Variants in MARCHF1 observed in about 807,000 individuals in gnomAD.
MARCHF1 encodes the protein membrane associated ring-CH-type finger 1.
MARCHF1 carries 40 observed loss-of-function variants against 54.2 expected under a neutral mutation model. The observed-to-expected ratio is 0.74, with a 90% CI of 0.57 to 0.96. The LOEUF (loss-of-function observed/expected upper bound fraction) is 0.96. MARCHF1 is among the 40% of genes least tolerant of loss of function. MARCHF1 has a pLI of 0.00. For missense variants in MARCHF1, 586 were observed against 656.5 expected (o/e 0.89, Z 1.17); for synonymous variants, 236 against 236.3 (o/e 1.00, Z 0.01).
At position 163,582,998 on chromosome 4, in the gene MARCHF1, A is replaced by C. The variant is rs192094856; in HGVS notation, c.1191+2751T>G. Among the ~76,000 whole-genome samples, 3 of 152,308 alleles carry C rather than the reference A, an allele frequency of 2.0e-5. No homozygotes were observed. The East Asian group carries it at 5.8e-4, about 29-fold the overall frequency. ...TACTTTCTCTAGGTTTTTAAAGCCTATGCATCATGGAGGGAGGAACTGAAT... is the reference window on the plus strand; with the variant it reads ...TACTTTCTCTAGGTTTTTAAAGCCTCTGCATCATGGAGGGAGGAACTGAAT... On this transcript the variant is annotated intron_variant, in intron 8 of 9. Coordinates refer to ENST00000514618, the MANE Select transcript of MARCHF1 (RefSeq NM_001394959.1).
chr4:163,827,382 T>C (rs760965930), intron 4 of MARCHF1, among the ~76,000 whole-genome samples: 3 of 152,170 alleles, frequency 2.0e-5, no homozygotes, highest in Non-Finnish European at 4.4e-5. Context: ...TAGGAGATTA[T>C]TCTAACCAAT....
intron 4 of MARCHF1, among the ~76,000 whole-genome samples, chr4:163,806,558 C>T (rs1748229582): frequency 6.6e-6 from 1 of 152,168 alleles, no homozygotes; most frequent in African/African-American, 2.4e-5. Flanking sequence ...GTTAAGTAAA[C>T]CATGCTGTGA....
Position 164,067,664 on chromosome 4 carries a change from G to T in MARCHF1, c.-248+43924C>A, listed in dbSNP as rs568799177. Among the ~76,000 whole-genome samples, 13 of 151,956 alleles carry T rather than the reference G, an allele frequency of 8.6e-5. 1 individual carries two copies. The East Asian group carries it at 2.5e-3, about 29-fold the overall frequency. On this transcript the variant is annotated intron_variant, in intron 2 of 9. Transcript: ENST00000514618. ...CTAGGAAATACCCTTTTTTACATTG[G>T]CCTTGGCAAAGAATTTTTGGCCAAC...
intron 7 of MARCHF1, among the ~76,000 whole-genome samples, chr4:163,588,248 A>C (rs570804309): frequency 6.6e-6 from 1 of 152,260 alleles, no homozygotes; most frequent in African/African-American, 2.4e-5. Flanking sequence ...CAATATGTTA[A>C]GGGAAAATTA....
In MARCHF1 at chr4:164,203,108, T is replaced by G. The variant is rs139252630; in HGVS notation, c.-322-91446A>C. 2.9e-3 allele frequency among the ~76,000 whole-genome samples: 447 copies of G among 152,258 alleles called. 2 individuals carry two copies. Among genetic ancestry groups the G allele is most frequent in the African/African-American group, 0.01 (417 of 41,548 alleles). Reference sequence around the variant, plus strand: ...TAGTAATGAAAGCCCTGGATTTCAGTGCCTAGAATCAGACACCCATTGAGG... The same window carrying G: ...TAGTAATGAAAGCCCTGGATTTCAGGGCCTAGAATCAGACACCCATTGAGG... On this transcript the variant is annotated intron_variant, in intron 1 of 9. Transcript: ENST00000514618.
intron 3 of MARCHF1, among the ~76,000 whole-genome samples, chr4:163,933,564 G>T (rs548691921): frequency 5.9e-5 from 9 of 152,320 alleles, no homozygotes; most frequent in Non-Finnish European, 8.8e-5. Context: ...AGTTCTGCAA[G>T]TGACTGTGTT....
At chr4:163,605,009 C>T (rs1469995170) in intron 7 of MARCHF1, among the ~76,000 whole-genome samples, 6 of 151,998 alleles carry the variant, frequency 3.9e-5, no homozygotes, top group African/African-American at 1.5e-4. Context: ...AAAGATGACA[C>T]CATTACTGTC....
intron 1 of MARCHF1, among the ~76,000 whole-genome samples, chr4:164,232,555 C>T (rs1732442397): frequency 6.6e-6 from 1 of 152,134 alleles, no homozygotes; most frequent in South Asian, 2.1e-4. Flanking sequence ...AAACCATAAA[C>T]TCACCCTTGG....
chr4:164,335,628 C>G (rs534926087), intron 1 of MARCHF1, among the ~76,000 whole-genome samples: 108 of 151,622 alleles, frequency 7.1e-4, no homozygotes, highest in African/African-American at 2.5e-3. Context: ...CTCCAACTTT[C>G]AGCAACCAAC....
chr4:164,372,436 T>C (rs1731061713), intron 1 of MARCHF1, among the ~76,000 whole-genome samples: 1 of 152,200 alleles, frequency 6.6e-6, no homozygotes, highest in Admixed American at 6.5e-5. Context: ...AGCATAAATA[T>C]ATATTTTGGA....
At chr4:163,733,191 A>ATATATATATATATACACGTG (rs1745901766) in intron 4 of MARCHF1, among the ~76,000 whole-genome samples, 2 of 23,062 alleles carry the variant, frequency 8.7e-5, no homozygotes, top group African/African-American at 2.7e-4. Context: ...ATATATATAT[A>ATATATATATATATACACGTG]TATATATATA....
Position 163,526,150 on chromosome 4 carries a change from C to T in MARCHF1, c.*2598G>A, listed in dbSNP as rs562280333. 6.6e-6 allele frequency: 1 copy of T among 152,150 alleles called. No homozygotes were observed. The highest frequency in any genetic ancestry group is 2.1e-4 in the South Asian group (1 of 4,826). 9.4% of individuals were successfully genotyped at this position (152,150 alleles called of 1,614,324 possible). On this transcript the variant is annotated 3_prime_UTR_variant, in exon 10 of 10. Transcript: ENST00000514618. ...GAATTTAGGTATAGTTTTAAAATCC[C>T]ATGTCCTCTTTTACTATTAATAGAA... is the stretch of plus-strand genomic sequence containing the variant.
chr4:163,794,227 T>C (rs1247307991), intron 4 of MARCHF1, among the ~76,000 whole-genome samples: 1 of 152,188 alleles, frequency 6.6e-6, no homozygotes, highest in Non-Finnish European at 1.5e-5. Context: ...TTCTCCTGTT[T>C]TGTGGATTAC....
At chr4:164,150,473 T>A (rs777641284) in intron 1 of MARCHF1, among the ~76,000 whole-genome samples, 7 of 152,178 alleles carry the variant, frequency 4.6e-5, no homozygotes, top group Non-Finnish European at 1.0e-4. Context: ...AGAACAGGTA[T>A]TCTTTAAAAA....
At chr4:163,595,458 A>G (rs954957471) in intron 7 of MARCHF1, among the ~76,000 whole-genome samples, 1 of 152,028 alleles carries the variant, frequency 6.6e-6, no homozygotes, top group Non-Finnish European at 1.5e-5. Context: ...TTGCAGTTGC[A>G]GTGAGCTATG....
intron 2 of MARCHF1, among the ~76,000 whole-genome samples, chr4:164,068,243 G>A (rs1029257063): frequency 7.2e-5 from 11 of 152,210 alleles, no homozygotes; most frequent in South Asian, 2.1e-4. Context: ...GGCAGCCCTC[G>A]CAGCCCTCGC....
intron 1 of MARCHF1, among the ~76,000 whole-genome samples, chr4:164,372,870 A>G (rs1731075921): frequency 6.6e-6 from 1 of 152,238 alleles, no homozygotes; most frequent in South Asian, 2.1e-4. Context: ...TCATTAATCA[A>G]TTCATTTATT....
chr4:163,566,243 C>T (rs913316382), intron 8 of MARCHF1, among the ~76,000 whole-genome samples: 9 of 152,138 alleles, frequency 5.9e-5, no homozygotes, highest in African/African-American at 2.2e-4. Flanking sequence ...ATGCTGCGAC[C>T]CATTGGATGT....
At chr4:163,965,981 G>T (rs1005812147) in intron 3 of MARCHF1, among the ~76,000 whole-genome samples, 1 of 152,048 alleles carries the variant, frequency 6.6e-6, no homozygotes, top group African/African-American at 2.4e-5. Context: ...AGAGATGACA[G>T]ATACAATAAC....
Sources: gnomAD v4.1 joint callset for allele counts (sites outside exome capture counted in the v4.1 genomes callset) on GRCh38, gnomAD v4.1.1 for gene constraint, MANE v1.5 for transcripts, NCBI Gene and HGNC (gene_info 2026-07-23, HGNC 2026-07-21) for gene names.